Variants in PAK1 observed in about 807,000 individuals in gnomAD.
The protein encoded by PAK1 is p21 (RAC1) activated kinase 1.
A neutral mutation model predicts 67.4 loss-of-function variants in PAK1; 29 were observed. That is an observed-to-expected ratio of 0.43 (90% CI 0.32 to 0.59). The LOEUF is 0.59. Among genes scored for constraint, PAK1 ranks in the 20% least tolerant of loss-of-function variants. The pLI, the probability that PAK1 is intolerant of heterozygous loss-of-function variation, is 0.07. For synonymous variants in PAK1, 223 were observed against 237.4 expected (o/e 0.94, Z 0.56); for missense variants, 337 against 670.7 (o/e 0.50, Z 5.50).
rs369804356 is a variant in PAK1 at position 77,428,943 on chromosome 11, T to C, written c.-21-36402A>G. On this transcript the variant is annotated intron_variant, in intron 1 of 14. Coordinates refer to ENST00000356341, the MANE Select transcript of PAK1 (RefSeq NM_002576.5). ...GTAGGGAGAGCCTGTGATGGGGGTGTCAGAACCTCATTTCCTCATTATGTC... is the reference window on the plus strand; with the variant it reads ...GTAGGGAGAGCCTGTGATGGGGGTGCCAGAACCTCATTTCCTCATTATGTC... 7.3e-5 allele frequency among the ~76,000 whole-genome samples: 11 copies of C among 150,800 alleles called. No individual in the cohort carries two copies. In the East Asian group the frequency reaches 1.6e-3, roughly 22 times the overall value.
intron 7 of PAK1, 55 bp from the exon 8 acceptor site, chr11:77,353,654 A>C: frequency 1.4e-6 from 2 of 1,397,810 alleles, no homozygotes; most frequent in Non-Finnish European, 2.0e-6. Flanking sequence ...GATACAAAAA[A>C]GGTTCCACAT....
intron 2 of PAK1, among the ~76,000 whole-genome samples, chr11:77,386,766 T>TATTA (rs139141376): frequency 3.9e-5 from 6 of 152,104 alleles, no homozygotes; most frequent in Non-Finnish European, 7.4e-5. Context: ...CAGGTATCAG[T>TATTA]ATTAATTAAT....
At chr11:77,513,279 T>C in the PAK1 span, among the ~76,000 whole-genome samples, 1 of 152,160 alleles carries the variant, frequency 6.6e-6, no homozygotes, top group Non-Finnish European at 1.5e-5. Flanking sequence ...AAGCACTTAA[T>C]AAATGTTTGG....
chr11:77,425,362 G>A (rs1355503877), intron 1 of PAK1, among the ~76,000 whole-genome samples: 2 of 151,648 alleles, frequency 1.3e-5, no homozygotes, highest in African/African-American at 4.9e-5. Flanking sequence ...GTTCTACTCG[G>A]TCAGCCAAGG....
At chr11:77,474,601 C>G (rs1478777183), upstream of PAK1, 7 of 152,126 alleles carry the variant, frequency 4.6e-5, no homozygotes, top group African/African-American at 1.4e-4. Context: ...AGCTCGTTGT[C>G]AAGGGCTGAA....
Position 77,322,620 on chromosome 11 carries a change from G to A in PAK1, c.*654C>T, listed in dbSNP as rs1013611173. On this transcript the variant is annotated 3_prime_UTR_variant, in exon 15 of 15. Coordinates refer to ENST00000356341, the MANE Select transcript of PAK1 (RefSeq NM_002576.5). The stretch of plus-strand genomic sequence containing the variant: ...GGGAATCAAAAGCTGCTACATAGCC[G>A]AGAGCATTTCACAAGAAACAGCATG... The A allele has an allele frequency of 1.9e-5, 4 of 215,808 alleles. No homozygotes were observed. The highest frequency in any genetic ancestry group is 2.9e-5 in the Non-Finnish European group (3 of 105,188). 13.4% of individuals were successfully genotyped at this position (215,808 alleles called of 1,614,324 possible). A position where few individuals can be genotyped will look rare whatever the true frequency, so the allele number is the denominator to read the frequency against.
At chr11:77,494,857 T>C in the PAK1 span, among the ~76,000 whole-genome samples, 1 of 152,082 alleles carries the variant, frequency 6.6e-6, no homozygotes, top group Admixed American at 6.5e-5. Flanking sequence ...CCCATCTATA[T>C]ACAAAATTAA....
chr11:77,475,168 C>A (rs1409212016), upstream of PAK1: 1 of 152,176 alleles, frequency 6.6e-6, no homozygotes, highest in Non-Finnish European at 1.5e-5. Context: ...GAATGGGCCA[C>A]CCATTCAACA....
At chr11:77,348,697 C>T (rs1363814167) in intron 9 of PAK1, among the ~76,000 whole-genome samples, 1 of 152,172 alleles carries the variant, frequency 6.6e-6, no homozygotes, top group African/African-American at 2.4e-5. Flanking sequence ...TCATCTAATC[C>T]TGTTGAACCT....
chr11:77,429,685 G>A (rs1041191330), intron 1 of PAK1, among the ~76,000 whole-genome samples: 2 of 152,168 alleles, frequency 1.3e-5, no homozygotes, highest in Non-Finnish European at 2.9e-5. Context: ...GGTTATCAAA[G>A]TTAAGGAAAG....
At chr11:77,422,056 C>T (rs1437682722) in intron 1 of PAK1, among the ~76,000 whole-genome samples, 1 of 152,090 alleles carries the variant, frequency 6.6e-6, no homozygotes, top group Non-Finnish European at 1.5e-5. Flanking sequence ...CTAAATATGG[C>T]CCTCAGAGAA....
chr11:77,388,324 T>TAGG (rs1397979151), intron 2 of PAK1, among the ~76,000 whole-genome samples: 1 of 152,232 alleles, frequency 6.6e-6, no homozygotes, highest in African/African-American at 2.4e-5. Flanking sequence ...CTTTGCAACA[T>TAGG]CACATTTATG....
intron 1 of PAK1, among the ~76,000 whole-genome samples, chr11:77,437,319 C>T (rs1297218241): frequency 6.6e-6 from 1 of 152,214 alleles, no homozygotes; most frequent in African/African-American, 2.4e-5. Context: ...TATTAATTCA[C>T]TTAACCTTAC....
At chr11:77,362,761 G>A (rs564149101) in intron 5 of PAK1, among the ~76,000 whole-genome samples, 30 of 151,582 alleles carry the variant, frequency 2.0e-4, no homozygotes, top group Non-Finnish European at 4.1e-4. Context: ...GTATAGGATT[G>A]CTAAATGAAT....
chr11:77,422,914 G>A (rs1041278216), intron 1 of PAK1, among the ~76,000 whole-genome samples: 20 of 152,152 alleles, frequency 1.3e-4, no homozygotes, highest in African/African-American at 4.6e-4. Context: ...CACACTCAGT[G>A]GCTGGCAGAG....
At chr11:77,335,461 C>T (rs1156620362) in intron 13 of PAK1, among the ~76,000 whole-genome samples, 1 of 152,122 alleles carries the variant, frequency 6.6e-6, no homozygotes, top group Non-Finnish European at 1.5e-5. Context: ...CAATTCAGAC[C>T]AGAAATCTTG....
the PAK1 span, among the ~76,000 whole-genome samples, chr11:77,488,741 T>C: frequency 6.0e-3 from 914 of 151,562 alleles, 11 homozygotes; most frequent in African/African-American, 0.021. Context: ...TTGAAAATAG[T>C]CAAAGGAGAC....
chr11:77,455,357 C>T (rs1957037890), intron 1 of PAK1, among the ~76,000 whole-genome samples: 1 of 151,704 alleles, frequency 6.6e-6, no homozygotes, highest in Admixed American at 6.6e-5. Context: ...ATTTAGGTTC[C>T]ACCATTCAGA....
At chr11:77,509,917 A>G in the PAK1 span, among the ~76,000 whole-genome samples, 1 of 152,128 alleles carries the variant, frequency 6.6e-6, no homozygotes, top group Admixed American at 6.5e-5. Flanking sequence ...TGTATAAGTT[A>G]CCCAGTCTCA....
Sources: gnomAD v4.1 joint callset for allele counts (sites outside exome capture counted in the v4.1 genomes callset) on GRCh38, gnomAD v4.1.1 for gene constraint, MANE v1.5 for transcripts, NCBI Gene and HGNC (gene_info 2026-07-23, HGNC 2026-07-21) for gene names.